ACTB: variants seen among roughly 807,000 people sequenced by gnomAD.
ACTB encodes actin, cytoplasmic 1.
Under a neutral mutation model 30.5 loss-of-function variants are expected in ACTB, and 2 were observed. The ratio of observed to expected loss-of-function variants is 0.07; its 90% CI spans 0.03 to 0.21. The LOEUF (loss-of-function observed/expected upper bound fraction) is 0.21. Ranked by LOEUF, ACTB falls within the 10% of genes least tolerant of loss-of-function variation. The probability of loss-of-function intolerance (pLI) is 1.00; values close to 1 mark genes in which losing one functional copy is unlikely to be tolerated. For synonymous variants in ACTB, 335 were observed against 217.6 expected (o/e 1.54, Z -4.75); for missense variants, 56 against 530.0 (o/e 0.11, Z 8.78).
Position 5,529,156 on chromosome 7 carries a change from C to T in ACTB, c.363+5G>A, listed in dbSNP as rs754820594. Reference sequence around the variant, plus strand: ...GGCCACCAGAAGAGGTAGCGGGCCACTCACCTGGGTCATCTTCTCGCGGTT... The same window carrying T: ...GGCCACCAGAAGAGGTAGCGGGCCATTCACCTGGGTCATCTTCTCGCGGTT... On this transcript the variant is annotated splice_donor_5th_base_variant and intron_variant, in intron 3 of 5. Coordinates refer to ENST00000646664, the MANE Select transcript of ACTB (RefSeq NM_001101.5). 1 of 1,613,816 alleles carries T rather than the reference C, an allele frequency of 6.2e-7. No individual in the cohort carries two copies. The highest frequency in any genetic ancestry group is 1.7e-5 in the Admixed American group (1 of 60,014).
intron 3 of ACTB, 178 bp from the exon 4 acceptor site, chr7:5,528,897 C>T: frequency 1.4e-6 from 2 of 1,430,444 alleles, no homozygotes; most frequent in Non-Finnish European, 9.6e-7. Context: ...CGCTTTACAC[C>T]AGCCTCATGG....
chr7:5,529,911 A>C, intron 1 of ACTB: 21 of 503,066 alleles, frequency 4.2e-5, no homozygotes, highest in East Asian at 1.6e-4. Flanking sequence ...CCCGGTTCAA[A>C]CAGCGCCGGG....
Position 5,527,389 on chromosome 7 carries a change from C to T in ACTB, c.*359G>A, listed in dbSNP as rs138738998. 951 of 366,220 alleles carry T rather than the reference C, an allele frequency of 2.6e-3. 5 individuals are homozygous for T. The highest frequency in any genetic ancestry group is 4.0e-3 in the Non-Finnish European group (789 of 196,644). The allele number at this position is 366,220 out of a possible 1,614,324, so 22.7% of individuals were successfully genotyped here. A position where few individuals can be genotyped will look rare whatever the true frequency, so the allele number is the denominator to read the frequency against. ...AATTTACACGAAAGCAATGCTATCA[C>T]CTCCCCTGTGTGGACTTGGGAGAGG... On this transcript the variant is annotated 3_prime_UTR_variant, in exon 6 of 6. Coordinates refer to ENST00000646664, the MANE Select transcript of ACTB (RefSeq NM_001101.5).
chr7:5,528,887 C>T (rs1784821127), intron 3 of ACTB, 168 bp from the exon 4 acceptor site: 11 of 1,401,688 alleles, frequency 7.8e-6, no homozygotes, highest in Non-Finnish European at 1.1e-5. Flanking sequence ...ACTCCAAGGC[C>T]GCTTTACACC....
chr7:5,528,154 G>C lies in ACTB; in HGVS notation c.834C>G (p.Thr278=), dbSNP rs754810018. ...CGTCACACTTCATGATGGAGTTGAA[G>C]GTAGTTTCGTGGATGCCACAGGACT... ...GMESCGIHET[T]FNSIMKCDVD... is the part of the protein sequence containing the mutation. Residue 278 remains threonine (T), a synonymous_variant, in exon 5 of 6, where the codon ACC becomes ACG. Transcript: ENST00000646664. 1.9e-6 allele frequency: 3 copies of C among 1,614,112 alleles called. No homozygotes were observed. Among genetic ancestry groups the C allele is most frequent in the South Asian group, 1.1e-5 (1 of 91,096 alleles).
intron 1 of ACTB, among the ~76,000 whole-genome samples, chr7:5,530,296 A>T (rs1412984177): frequency 6.6e-6 from 1 of 151,604 alleles, no homozygotes; most frequent in East Asian, 1.9e-4. Context: ...CGAGAGCGGC[A>T]CCCCCGGAGC....
Position 5,527,723 on chromosome 7 carries a change from G to T in ACTB, c.*25C>A, listed in dbSNP as rs528042634. On this transcript the variant is annotated 3_prime_UTR_variant, in exon 6 of 6. Coordinates refer to ENST00000646664, the MANE Select transcript of ACTB (RefSeq NM_001101.5). ...AAGTTAGGTTTTGTCAAGAAAGGGT[G>T]TAACGCAACTAAGTCATAGTCCGCC... The T allele has an allele frequency of 6.2e-6, 10 of 1,613,040 alleles. No individual in the cohort carries two copies. The South Asian group carries it at 9.9e-5, about 16-fold the overall frequency.
intron 1 of ACTB, among the ~76,000 whole-genome samples, chr7:5,530,254 TCAGA>T (rs774297693): frequency 3.8e-4 from 58 of 151,624 alleles, no homozygotes; most frequent in Non-Finnish European, 6.0e-4. Context: ...AGAGCCCGGC[TCAGA>T]CAAAGACCCC....
At chr7:5,529,871 C>T (rs1784849805) in intron 1 of ACTB, 3 of 830,954 alleles carry the variant, frequency 3.6e-6, no homozygotes, top group East Asian at 3.1e-5. Context: ...GCCCCAACCC[C>T]CTCCCAACCG....
chr7:5,529,430 C>T (rs200592330), intron 2 of ACTB, 30 bp from the exon 3 acceptor site: 99 of 1,613,654 alleles, frequency 6.1e-5, no homozygotes, highest in African/African-American at 4.3e-4. Context: ...AAGCCCTGAG[C>T]ACGGGCGCAG....
At chr7:5,529,717 T>C in intron 1 of ACTB, 54 bp from the exon 2 acceptor site, 1 of 1,608,678 alleles carries the variant, frequency 6.2e-7, no homozygotes, top group Non-Finnish European at 8.5e-7. Flanking sequence ...CCCTGGCCAC[T>C]TCCGGCGCGC....
chr7:5,530,217 G>A (rs1784862162), intron 1 of ACTB, among the ~76,000 whole-genome samples: 1 of 152,022 alleles, frequency 6.6e-6, no homozygotes, highest in East Asian at 1.9e-4. Context: ...GGGCTCCGCC[G>A]CGCCCACCCT....
At chr7:5,530,362 C>A (rs532763664) in intron 1 of ACTB, among the ~76,000 whole-genome samples, 162 bp downstream of exon 1, 149 of 152,148 alleles carry the variant, frequency 9.8e-4, no homozygotes, top group African/African-American at 3.3e-3. Context: ...TCCCCCATCT[C>A]CGGAGGCCCA....
At chr7:5,528,818 G>C in intron 3 of ACTB, 99 bp from the exon 4 acceptor site, 5 of 1,492,142 alleles carry the variant, frequency 3.4e-6, no homozygotes, top group Non-Finnish European at 4.7e-6. Context: ...ACGGCTAAGT[G>C]TGCTGGGGTC....
rs745973745 is a variant in ACTB at position 5,528,178 on chromosome 7, C to T, written c.810G>A (p.Glu270=). Residue 270 remains glutamate (E), a synonymous_variant, in exon 5 of 6, where the codon GAG becomes GAA. Transcript: ENST00000646664. ...AGGTAGTTTCGTGGATGCCACAGGACTCCATGCCTGAGAGGGAAATGAGGG... is the reference window on the plus strand; with the variant it reads ...AGGTAGTTTCGTGGATGCCACAGGATTCCATGCCTGAGAGGGAAATGAGGG... The part of the protein sequence containing the change: ...ALFQPSFLGM[E]SCGIHETTFN... 7 of 1,614,234 alleles carry T rather than the reference C, an allele frequency of 4.3e-6. No individual in the cohort carries two copies. Among genetic ancestry groups the T allele is most frequent in the South Asian group, 2.2e-5 (2 of 91,088 alleles).
intron 1 of ACTB, 132 bp from the exon 2 acceptor site, chr7:5,529,795 C>G: frequency 2.1e-6 from 3 of 1,429,864 alleles, no homozygotes; most frequent in Non-Finnish European, 2.9e-6. Context: ...CCGGGCCGGC[C>G]GCGTTATTAC....
At position 5,529,150 on chromosome 7, in the gene ACTB, G is replaced by A. The variant is rs1784828885; in HGVS notation, c.363+11C>T. The A allele has an allele frequency of 1.9e-6, 3 of 1,613,848 alleles. No homozygotes were observed. The highest frequency in any genetic ancestry group is 2.7e-5 in the African/African-American group (2 of 75,032). ...GGAGGCGGCCACCAGAAGAGGTAGC[G>A]GGCCACTCACCTGGGTCATCTTCTC... On this transcript the variant is annotated intron_variant, in intron 3 of 5. Transcript: ENST00000646664.
rs2128241261 is a variant in ACTB at position 5,528,297 on chromosome 7, G to A, written c.786C>T (p.Phe262=). 1 of 1,614,196 alleles carries A rather than the reference G, an allele frequency of 6.2e-7. No homozygotes were observed. ...TCCACTCACCCAGGAAGGAAGGCTG[G>A]AAGAGTGCCTCAGGGCAGCGGAACC... The part of the protein sequence containing the change: ...NERFRCPEAL[F]QPSFLGMESC... Residue 262 remains phenylalanine (F), a synonymous_variant, in exon 4 of 6, where the codon TTC becomes TTT. Transcript: ENST00000646664.
At position 5,527,437 on chromosome 7, in the gene ACTB, G is replaced by A. The variant is rs1784787742; in HGVS notation, c.*311C>T. On this transcript the variant is annotated 3_prime_UTR_variant, in exon 6 of 6. Transcript: ENST00000646664. ...AGGACTGGGCCATTCTCCTTAGAGA[G>A]AAGTGGGGTGGCTTTTAGGATGGCA... The A allele has an allele frequency of 4.2e-6, 2 of 474,466 alleles. No homozygotes were observed. Among genetic ancestry groups the A allele is most frequent in the South Asian group, 2.1e-5 (1 of 47,492 alleles). The allele number at this position is 474,466 out of a possible 1,614,324, so 29.4% of individuals were successfully genotyped here.
Sources: gnomAD v4.1 joint callset for allele counts (sites outside exome capture counted in the v4.1 genomes callset) on GRCh38, gnomAD v4.1.1 for gene constraint, MANE v1.5 for transcripts, NCBI Gene and HGNC (gene_info 2026-07-23, HGNC 2026-07-21) for gene names.